The following KYAT3 variants were observed in gnomAD, a reference collection of about 807,000 sequenced individuals.
The protein encoded by KYAT3 is kynurenine aminotransferase 3, also known as kynurenine--oxoglutarate transaminase 3.
In KYAT3, 50 loss-of-function variants were observed where a neutral mutation model predicts 59.0. That is an observed-to-expected ratio of 0.85 (90% CI 0.68 to 1.07). The LOEUF (loss-of-function observed/expected upper bound fraction) is 1.07. Among genes scored for constraint, KYAT3 ranks in the 50% least tolerant of loss-of-function variants. The pLI is 0.00. For synonymous variants in KYAT3, 148 were observed against 177.0 expected (o/e 0.84, Z 1.30); for missense variants, 497 against 533.3 (o/e 0.93, Z 0.67).
At chr1:88,931,936 G>T (rs1269971094), downstream of KYAT3, among the ~76,000 whole-genome samples, 2 of 129,608 alleles carry the variant, frequency 1.5e-5, no homozygotes, top group Non-Finnish European at 3.2e-5. Flanking sequence ...CCCCAACTCA[G>T]GTCTCCTCAT....
intron 2 of KYAT3, among the ~76,000 whole-genome samples, chr1:88,978,212 GT>G (rs1223811314): frequency 6.6e-6 from 1 of 152,090 alleles, no homozygotes; most frequent in East Asian, 1.9e-4. Flanking sequence ...AAGTGTCTTT[GT>G]TTAAACACAG....
the KYAT3 span, among the ~76,000 whole-genome samples, chr1:88,930,024 C>T: frequency 6.6e-6 from 1 of 152,202 alleles, no homozygotes; most frequent in Non-Finnish European, 1.5e-5. Context: ...AGCTTGCCAA[C>T]AAGGCAAGAC....
chr1:88,955,360 G>GTTT, intron 8 of KYAT3, 135 bp from the exon 9 acceptor site: 3 of 480,006 alleles, frequency 6.2e-6, no homozygotes, highest in Non-Finnish European at 1.1e-5. Flanking sequence ...GTTATTTCTA[G>GTTT]TTTTTTTTTT....
chr1:88,944,487 T>C (rs944440535), intron 11 of KYAT3, among the ~76,000 whole-genome samples: 4 of 152,226 alleles, frequency 2.6e-5, no homozygotes, highest in South Asian at 4.1e-4. Context: ...CTGCAATTTA[T>C]TGAACACTTC....
intron 2 of KYAT3, chr1:88,983,890 A>G: frequency 6.2e-7 from 1 of 1,600,434 alleles, no homozygotes; most frequent in Non-Finnish European, 8.6e-7. Flanking sequence ...GCTCGCCGAC[A>G]GGGGCTTCCT....
At chr1:88,956,944 G>C (rs1675945044) in intron 8 of KYAT3, among the ~76,000 whole-genome samples, 1 of 151,660 alleles carries the variant, frequency 6.6e-6, no homozygotes, top group Admixed American at 6.6e-5. Flanking sequence ...GCACAAGTGG[G>C]GGCTCTTGTA....
intron 2 of KYAT3, among the ~76,000 whole-genome samples, chr1:88,974,238 T>A (rs1369404270): frequency 1.3e-5 from 2 of 152,138 alleles, no homozygotes. Flanking sequence ...ATCTATGAAG[T>A]GGGGATTTGT....
Position 88,977,927 on chromosome 1 carries a change from GGAGCAATA to G in KYAT3, c.100-8468_100-8461del, listed in dbSNP as rs561711063. ...ACATGCTGTATAGATTTGTAGCCTA[GGAGCAATA>G]GTCTATGCCATATAGCCTAGGTGTG... On this transcript the variant is annotated intron_variant, in intron 2 of 13. Coordinates refer to ENST00000260508, the MANE Select transcript of KYAT3 (RefSeq NM_001008661.3). Among the ~76,000 whole-genome samples the G allele has an allele frequency of 9.5e-4, 143 of 149,912 alleles. 1 individual carries two copies. The highest frequency in any genetic ancestry group is 3.3e-3 in the African/African-American group (134 of 40,802).
intron 2 of KYAT3, 51 bp from the exon 3 acceptor site, chr1:88,969,518 G>T (rs1323008148): frequency 9.9e-6 from 10 of 1,009,432 alleles, no homozygotes; most frequent in Non-Finnish European, 1.6e-5. Flanking sequence ...AATTTTAAAA[G>T]CCAGTAAATC....
intron 13 of KYAT3, among the ~76,000 whole-genome samples, chr1:88,938,500 C>T (rs749394032): frequency 1.3e-5 from 2 of 152,044 alleles, no homozygotes; most frequent in Non-Finnish European, 2.9e-5. Flanking sequence ...AGCACAGCAC[C>T]CAACAGTTAT....
At position 88,949,169 on chromosome 1, in the gene KYAT3, G is replaced by A. The variant is rs761760838; in HGVS notation, c.1063C>T (p.Arg355Cys). 7.5e-6 allele frequency: 12 copies of A among 1,610,384 alleles called. No individual in the cohort carries two copies. Among genetic ancestry groups the A allele is most frequent in the Admixed American group, 3.4e-5 (2 of 59,152 alleles). Residue 355 changes from arginine (R) to cysteine (C), a missense_variant, in exon 11 of 14, where the codon CGT becomes TGT. Around this residue, in one of 2 missense-constraint regions of KYAT3, gnomAD observed 469 missense variants for 479.1 expected, o/e 0.98. Transcript: ENST00000260508. ...TTTAGGCCAACACTTTCAAGTAAACGTACCATCCGATCTCTTTTTACTTCT... is the reference window on the plus strand; with the variant it reads ...TTTAGGCCAACACTTTCAAGTAAACATACCATCCGATCTCTTTTTACTTCT... ...ELEVKRDRMV[R>C]LLESVGLKPI... is the part of the protein sequence containing the mutation.
intron 9 of KYAT3, 64 bp from the exon 10 acceptor site, chr1:88,953,216 A>T: frequency 9.1e-7 from 1 of 1,102,234 alleles, no homozygotes; most frequent in Non-Finnish European, 1.4e-6. Flanking sequence ...CTGAGACAGC[A>T]GTTTAAACTT....
chr1:88,963,859 C>T (rs1052821231), intron 5 of KYAT3, among the ~76,000 whole-genome samples: 2 of 152,208 alleles, frequency 1.3e-5, no homozygotes, highest in African/African-American at 4.8e-5. Context: ...AAAAGTTGGT[C>T]ATACCTCACA....
At chr1:88,965,059 A>C in intron 4 of KYAT3, 81 bp from the exon 5 acceptor site, 1 of 1,093,042 alleles carries the variant, frequency 9.1e-7, no homozygotes, top group Non-Finnish European at 1.3e-6. Context: ...CTAAAATGTA[A>C]GAATTTTTAA....
At chr1:88,968,630 A>AATAAAT (rs755580720) in intron 4 of KYAT3, 40 bp downstream of exon 4, 2 of 1,481,146 alleles carry the variant, frequency 1.4e-6, no homozygotes, top group South Asian at 2.8e-5. Context: ...CCCCAGTATA[A>AATAAAT]AATAAAAGCT....
intron 6 of KYAT3, 36 bp from the exon 7 acceptor site, chr1:88,961,542 T>C: frequency 1.3e-6 from 2 of 1,566,260 alleles, no homozygotes; most frequent in Non-Finnish European, 1.7e-6. Flanking sequence ...TTTAATTCAA[T>C]TAAGTCATGT....
intron 10 of KYAT3, among the ~76,000 whole-genome samples, chr1:88,951,298 G>A (rs1463560813): frequency 2.0e-5 from 3 of 150,322 alleles, no homozygotes; most frequent in Non-Finnish European, 3.0e-5. Flanking sequence ...GTAGTGACAC[G>A]ATCTCAGCTC....
At chr1:88,955,089 A>T in intron 9 of KYAT3, 60 bp downstream of exon 9, 1 of 1,153,962 alleles carries the variant, frequency 8.7e-7, no homozygotes, top group Non-Finnish European at 1.3e-6. Flanking sequence ...CAAACCACTC[A>T]ACAAAAAATA....
chr1:88,970,414 T>C (rs1294343984), intron 2 of KYAT3, among the ~76,000 whole-genome samples: 1 of 152,180 alleles, frequency 6.6e-6, no homozygotes, highest in Non-Finnish European at 1.5e-5. Context: ...TCACATCTGC[T>C]CAAGTTTATG....
Sources: gnomAD v4.1 joint callset for allele counts (sites outside exome capture counted in the v4.1 genomes callset) on GRCh38, gnomAD v4.1.1 for gene constraint, gnomAD v4.1.1 regional missense constraint, MANE v1.5 for transcripts, NCBI Gene and HGNC (gene_info 2026-07-23, HGNC 2026-07-21) for gene names.